Variants in NPR3 observed in about 807,000 individuals in gnomAD.
NPR3 encodes the protein natriuretic peptide receptor 3.
Under a neutral mutation model 54.5 loss-of-function variants are expected in NPR3, and 34 were observed. The observed-to-expected ratio is 0.62, with a 90% confidence interval of 0.47 to 0.83. NPR3 has a LOEUF of 0.83. Ranked by LOEUF, NPR3 falls within the 40% of genes least tolerant of loss-of-function variation. NPR3 has a pLI of 0.00. For missense variants in NPR3, 674 were observed against 720.8 expected, an observed-to-expected ratio of 0.94 and a Z score of 0.74; for synonymous variants, 289 against 297.1, an observed-to-expected ratio of 0.97 and a Z score of 0.28.
upstream of NPR3, among the ~76,000 whole-genome samples, chr5:32,705,876 A>C (rs1450115829): frequency 1.3e-5 from 2 of 152,240 alleles, no homozygotes; most frequent in Non-Finnish European, 2.9e-5. Context: ...TATTCCAGTC[A>C]ATGGGTGCCA....
intron 2 of NPR3, among the ~76,000 whole-genome samples, chr5:32,736,206 G>A (rs1313679106): frequency 1.4e-5 from 2 of 142,386 alleles, no homozygotes; most frequent in African/African-American, 5.4e-5. Context: ...CCTCCAGCCT[G>A]GGTGACAGAG....
At chr5:32,761,625 T>C (rs1186672861) in intron 3 of NPR3, among the ~76,000 whole-genome samples, 4 of 152,002 alleles carry the variant, frequency 2.6e-5, no homozygotes, top group Non-Finnish European at 5.9e-5. Flanking sequence ...TATTTCCTTT[T>C]TCAATATTGT....
chr5:32,747,200 A>G (rs1227191529), intron 3 of NPR3, among the ~76,000 whole-genome samples: 1 of 152,080 alleles, frequency 6.6e-6, no homozygotes, highest in African/African-American at 2.4e-5. Context: ...TTGATTATCC[A>G]TATTGCTGTT....
intron 3 of NPR3, 25 bp from the exon 4 acceptor site, chr5:32,774,683 C>T (rs761402398): frequency 6.3e-7 from 1 of 1,594,778 alleles, no homozygotes; most frequent in South Asian, 1.1e-5. Flanking sequence ...TGTTTTGGTT[C>T]ACCCATCTGG....
chr5:32,732,952 C>T (rs1184570379), intron 2 of NPR3, among the ~76,000 whole-genome samples: 1 of 152,140 alleles, frequency 6.6e-6, no homozygotes, highest in African/African-American at 2.4e-5. Flanking sequence ...TCAAGCAATT[C>T]TTCTGCCTCA....
At chr5:32,743,563 T>C (rs1020365865) in intron 3 of NPR3, among the ~76,000 whole-genome samples, 3 of 152,204 alleles carry the variant, frequency 2.0e-5, no homozygotes, top group African/African-American at 7.2e-5. Flanking sequence ...ATTGTAACCA[T>C]TTCTGCACTC....
At chr5:32,769,401 G>A (rs912694203) in intron 3 of NPR3, among the ~76,000 whole-genome samples, 10 of 152,094 alleles carry the variant, frequency 6.6e-5, no homozygotes, top group South Asian at 2.1e-4. Context: ...TTTCAATTCA[G>A]GTCAGAGAAG....
At chr5:32,777,096 C>G (rs1742091989) in intron 4 of NPR3, among the ~76,000 whole-genome samples, 1 of 152,144 alleles carries the variant, frequency 6.6e-6, no homozygotes, top group Admixed American at 6.5e-5. Flanking sequence ...TGATAGGTGC[C>G]AAAGCCCGAG....
At chr5:32,759,922 T>C (rs1741065493) in intron 3 of NPR3, among the ~76,000 whole-genome samples, 1 of 152,210 alleles carries the variant, frequency 6.6e-6, no homozygotes, top group African/African-American at 2.4e-5. Context: ...TTAAGAATGT[T>C]GAATATTGGC....
chr5:32,710,788 G>A, upstream of NPR3: 1 of 1,535,594 alleles, frequency 6.5e-7, no homozygotes, highest in African/African-American at 1.4e-5. Context: ...AGAAAGGTGA[G>A]AGCAAGCGGC....
Position 32,712,296 on chromosome 5 carries a change from C to G in NPR3, c.520C>G (p.Leu174Val). 6.2e-7 allele frequency: 1 copy of G among 1,613,214 alleles called. No homozygotes were observed. Among genetic ancestry groups the G allele is most frequent in the Non-Finnish European group, 8.5e-7 (1 of 1,179,796 alleles). ...GCACAAGGACTCTGAGTACTCGCAC[C>G]TCACGCGCGTGGCGCCCGCCTACGC... Reference protein sequence around the residue: ...FQHKDSEYSHLTRVAPAYAKM... With the variant: ...FQHKDSEYSHVTRVAPAYAKM... Residue 174 changes from leucine to valine, a missense_variant, in exon 1 of 8, where the codon CTC (leucine) becomes GTC (valine). Leu to Val is a conservative substitution (Grantham distance 32). Transcript: ENST00000265074.
chr5:32,738,530 G>A (rs1418021557), intron 2 of NPR3, among the ~76,000 whole-genome samples: 4 of 152,166 alleles, frequency 2.6e-5, no homozygotes, highest in African/African-American at 7.2e-5. Context: ...AGTATGAATG[G>A]CAAGGAATAA....
intron 4 of NPR3, among the ~76,000 whole-genome samples, chr5:32,778,458 A>T (rs529333124): frequency 1.3e-5 from 2 of 152,284 alleles, no homozygotes; most frequent in South Asian, 4.2e-4. Flanking sequence ...TCAAGGGAAA[A>T]ATACTCTGAC....
chr5:32,711,576 T>TTTTTTA lies in NPR3; in HGVS notation c.-201_-200insTTTTTA, dbSNP rs1561073855. ...TTTCTTTTTCTTTTTCTTTTTTTTT[T>TTTTTTA]AAGAAAAACTAGTGACATTGCAGAG... On this transcript the variant is annotated 5_prime_UTR_variant, in exon 1 of 8. Coordinates refer to ENST00000265074, the MANE Select transcript of NPR3 (RefSeq NM_001204375.2). The TTTTTTA allele has an allele frequency of 6.2e-5, 77 of 1,240,902 alleles. No homozygotes were observed. The African/African-American group carries it at 1.1e-3, about 18-fold the overall frequency. 76.9% of individuals were successfully genotyped at this position (1,240,902 alleles called of 1,614,324 possible). A position where few individuals can be genotyped will look rare whatever the true frequency, so the allele number is the denominator to read the frequency against.
intron 4 of NPR3, among the ~76,000 whole-genome samples, chr5:32,776,850 AAAATGCCAGGC>A (rs1031739910): frequency 6.6e-6 from 1 of 152,146 alleles, no homozygotes; most frequent in African/African-American, 2.4e-5. Flanking sequence ...AGGGAGCTAG[AAAATGCCAGGC>A]AAGGAGGAGT....
rs1579583926 is a variant in NPR3, at chr5:32,711,716, G to T, written c.-61G>T. The T allele has an allele frequency of 4.3e-6, 6 of 1,401,474 alleles. No homozygotes were observed. Among genetic ancestry groups the T allele is most frequent in the Non-Finnish European group, 5.6e-6 (6 of 1,079,718 alleles). 86.8% of individuals were successfully genotyped at this position (1,401,474 alleles called of 1,614,324 possible). A position where few individuals can be genotyped will look rare whatever the true frequency, so the allele number is the denominator to read the frequency against. ...AGAAGAGTGGGGAGGAAAGAGGAAG[G>T]GTGGGTGGGGGGCAGAGGGCGAGTC... On this transcript the variant is annotated 5_prime_UTR_variant, in exon 1 of 8. Transcript: ENST00000265074.
In NPR3 at chr5:32,691,481, C is replaced by T. The variant is rs546962353; in HGVS notation, c.100+2295C>T. Among the ~76,000 whole-genome samples, 31 of 152,310 alleles carry T rather than the reference C, an allele frequency of 2.0e-4. 1 individual carries two copies. The East Asian group carries it at 2.9e-3, about 14-fold the overall frequency. On this transcript the variant is annotated intron_variant, in intron 1 of 5. Transcript: ENST00000509104. ...GATCCAAAACTTATGTTCAAACTCT[C>T]GCTTCATCCAGAAGACAGACTCTGA...
chr5:32,719,060 G>C (rs910956042), intron 1 of NPR3, among the ~76,000 whole-genome samples: 1 of 152,222 alleles, frequency 6.6e-6, no homozygotes, highest in African/African-American at 2.4e-5. Context: ...TTTTTAGCAT[G>C]AAAGGCTGTT....
upstream of NPR3, chr5:32,710,917 T>TGG: frequency 2.3e-6 from 2 of 872,000 alleles, no homozygotes; most frequent in Non-Finnish European, 3.1e-6. Flanking sequence ...TGTGTGTGTG[T>TGG]ATGTGTGCGT....
Sources: allele counts gnomAD v4.1 joint callset (sites outside exome capture counted in the v4.1 genomes callset), GRCh38; gene constraint gnomAD v4.1.1; transcripts MANE v1.5; gene names NCBI Gene and HGNC (gene_info 2026-07-23, HGNC 2026-07-21).